Variants in DNAJC13 observed in about 807,000 individuals in gnomAD.
DNAJC13 encodes the protein DnaJ heat shock protein family (Hsp40) member C13.
A neutral mutation model predicts 290.5 loss-of-function variants in DNAJC13; 75 were observed. That is an observed-to-expected ratio of 0.26 (90% CI 0.21 to 0.31). The LOEUF (loss-of-function observed/expected upper bound fraction) is 0.31, where lower values mean the gene tolerates loss of function less well. DNAJC13 is among the 10% of genes least tolerant of loss of function. The pLI is 1.00. For missense variants in DNAJC13, 2,260 were observed against 2,674.5 expected (o/e 0.85, Z 3.42); for synonymous variants, 862 against 892.0 (o/e 0.97, Z 0.60).
In DNAJC13 at chr3:132,418,024, C is replaced by T. The variant is rs1303273613; in HGVS notation, c.-14+264C>T. On this transcript the variant is annotated intron_variant, in intron 1 of 55. Transcript: ENST00000260818. Reference sequence around the variant, plus strand: ...TTTTTTGCTTGTTTTATACCTAGTACGCTCCTCCACTCGCCTTAACATATC... The same window carrying T: ...TTTTTTGCTTGTTTTATACCTAGTATGCTCCTCCACTCGCCTTAACATATC... Among the ~76,000 whole-genome samples, 26 of 151,996 alleles carry T rather than the reference C, an allele frequency of 1.7e-4. 1 individual carries two copies. The highest frequency in any genetic ancestry group is 1.7e-3 in the Admixed American group (26 of 15,270).
chr3:132,482,848 G>A (rs1934722578), intron 27 of DNAJC13, among the ~76,000 whole-genome samples: 3 of 151,042 alleles, frequency 2.0e-5, no homozygotes, highest in African/African-American at 4.9e-5. Flanking sequence ...AATGAATAGC[G>A]AGACCCTATC....
At chr3:132,534,206 C>G (rs1369867145) in intron 55 of DNAJC13, among the ~76,000 whole-genome samples, 1 of 152,132 alleles carries the variant, frequency 6.6e-6, no homozygotes, top group Non-Finnish European at 1.5e-5. Flanking sequence ...ATTACTGAAG[C>G]CTGCAGACGT....
chr3:132,436,883 CT>C (rs68049166), intron 2 of DNAJC13, among the ~76,000 whole-genome samples: 18,136 of 141,810 alleles, frequency 0.13, 1,021 homozygotes, highest in South Asian at 0.23. Context: ...TTTTATTTTA[CT>C]TTTTTTTTTT....
chr3:132,472,338 G>T (rs73215994), intron 20 of DNAJC13, among the ~76,000 whole-genome samples: 1 of 152,294 alleles, frequency 6.6e-6, no homozygotes, highest in Non-Finnish European at 1.5e-5. Context: ...TTAAGTATGT[G>T]CCTATCTCTG....
chr3:132,475,169 T>A, intron 22 of DNAJC13, 84 bp downstream of exon 22: 2 of 1,015,866 alleles, frequency 2.0e-6, no homozygotes, highest in Non-Finnish European at 2.7e-6. Context: ...AAAAAATTTG[T>A]AATTACATAT....
At chr3:132,456,201 G>A (rs1220311588) in intron 9 of DNAJC13, 34 bp from the exon 10 acceptor site, 17 of 1,601,378 alleles carry the variant, frequency 1.1e-5, no homozygotes, top group Non-Finnish European at 1.3e-5. Flanking sequence ...AATCATCAAT[G>A]CTAAAACCTT....
chr3:132,532,154 C>T (rs533145958), intron 55 of DNAJC13, among the ~76,000 whole-genome samples: 3 of 152,264 alleles, frequency 2.0e-5, no homozygotes, highest in South Asian at 2.1e-4. Flanking sequence ...GATGTCAGCC[C>T]TGCATTCTCT....
At chr3:132,522,749 A>G (rs1291857970) in intron 48 of DNAJC13, 79 bp from the exon 49 acceptor site, 3 of 1,184,958 alleles carry the variant, frequency 2.5e-6, no homozygotes, top group Non-Finnish European at 3.6e-6. Context: ...TTGATATTCT[A>G]TCTTATTAGC....
chr3:132,491,578 A>G (rs963112005), intron 32 of DNAJC13, among the ~76,000 whole-genome samples: 4 of 152,176 alleles, frequency 2.6e-5, no homozygotes, highest in Non-Finnish European at 5.9e-5. Flanking sequence ...GGGGAATGCC[A>G]TAGGAGAAAC....
intron 16 of DNAJC13, 63 bp from the exon 17 acceptor site, chr3:132,463,633 T>A: frequency 2.0e-6 from 3 of 1,520,478 alleles, no homozygotes; most frequent in Non-Finnish European, 1.8e-6. Context: ...AATTAGTTTT[T>A]TAAAGTTTGG....
intron 43 of DNAJC13, among the ~76,000 whole-genome samples, chr3:132,509,062 G>A (rs756102741): frequency 2.0e-5 from 3 of 152,166 alleles, no homozygotes; most frequent in Non-Finnish European, 4.4e-5. Context: ...TTTACATCTT[G>A]TTATTTAAAA....
rs777410023 is a variant in DNAJC13, at chr3:132,447,273, A to G, written c.145-48A>G. The G allele has an allele frequency of 2.9e-6, 4 of 1,375,454 alleles. No homozygotes were observed. In the South Asian group the frequency reaches 6.1e-5, roughly 21 times the overall value. 85.2% of individuals were successfully genotyped at this position (1,375,454 alleles called of 1,614,324 possible). On this transcript the variant is annotated intron_variant, in intron 3 of 55. Transcript: ENST00000260818. The stretch of plus-strand genomic sequence containing the variant: ...TTAAAGTGACAAAAATAAGCATTAC[A>G]TTTTACTGTATTATAGTAGCACCAG...
rs1405521751 is a variant in DNAJC13 at position 132,525,694 on chromosome 3, G to T, written c.6145G>T (p.Gly2049Cys). 1 of 1,614,096 alleles carries T rather than the reference G, an allele frequency of 6.2e-7. No homozygotes were observed. The highest frequency in any genetic ancestry group is 2.2e-5 in the East Asian group (1 of 44,874). Residue 2049 changes from glycine to cysteine, a missense_variant, in exon 52 of 56, where the codon GGC becomes TGC. Physicochemically the swap from Gly to Cys is radical, Grantham distance 159. This residue lies in a region of DNAJC13 where 1,494 missense variants were observed against 1,693.7 expected (regional missense o/e 0.88). Coordinates refer to ENST00000260818, the MANE Select transcript of DNAJC13 (RefSeq NM_015268.4). ...PQLADQVPPLGHLPKVIQAMN... is the reference protein window; with the variant it reads ...PQLADQVPPLCHLPKVIQAMN... ...GCTGGCAGATCAGGTCCCGCCATTG[G>T]GCCATCTTCCCAAAGTTATCCAGGC... is the stretch of plus-strand genomic sequence containing the variant.
intron 32 of DNAJC13, 99 bp downstream of exon 32, chr3:132,491,150 T>C: frequency 9.6e-7 from 1 of 1,036,782 alleles, no homozygotes; most frequent in Non-Finnish European, 1.3e-6. Context: ...TTTCACTAGG[T>C]TTATAATCTA....
chr3:132,498,755 G>A (rs564167308), intron 36 of DNAJC13, among the ~76,000 whole-genome samples: 105 of 150,692 alleles, frequency 7.0e-4, no homozygotes, highest in African/African-American at 2.1e-3. Context: ...TTGCCCTGTC[G>A]CCCAGGCTGG....
intron 20 of DNAJC13, among the ~76,000 whole-genome samples, chr3:132,471,571 T>A (rs1354024968): frequency 7.9e-6 from 1 of 127,224 alleles, no homozygotes; most frequent in African/African-American, 3.1e-5. Context: ...CCAGATGGGG[T>A]CTCGGCCGGG....
chr3:132,424,696 A>G (rs1434041843), intron 1 of DNAJC13, among the ~76,000 whole-genome samples: 2 of 152,132 alleles, frequency 1.3e-5, no homozygotes, highest in Admixed American at 1.3e-4. Flanking sequence ...GAAATTTGAT[A>G]TTACCGCTGG....
At chr3:132,497,112 T>G (rs1455794381) in intron 36 of DNAJC13, among the ~76,000 whole-genome samples, 1 of 152,204 alleles carries the variant, frequency 6.6e-6, no homozygotes, top group Non-Finnish European at 1.5e-5. Flanking sequence ...TTTCAAATGA[T>G]GATATACTTC....
At chr3:132,460,705 A>G (rs1320933763) in intron 14 of DNAJC13, among the ~76,000 whole-genome samples, 1 of 152,240 alleles carries the variant, frequency 6.6e-6, no homozygotes, top group Non-Finnish European at 1.5e-5. Flanking sequence ...TGGGCATTCT[A>G]TAGCATCTTG....
Sources: allele counts gnomAD v4.1 joint callset (sites outside exome capture counted in the v4.1 genomes callset), GRCh38; gene constraint gnomAD v4.1.1; regional missense constraint gnomAD v4.1.1; transcripts MANE v1.5; gene names NCBI Gene and HGNC (gene_info 2026-07-23, HGNC 2026-07-21).